Variants in TMEM131L observed in about 807,000 individuals in gnomAD.
The protein encoded by TMEM131L is transmembrane protein 131-like.
Under a neutral mutation model 192.2 loss-of-function variants are expected in TMEM131L, and 54 were observed. That is an observed-to-expected ratio of 0.28 (90% CI 0.23 to 0.35). The LOEUF is 0.35. TMEM131L is among the 10% of genes least tolerant of loss of function. The probability of loss-of-function intolerance (pLI) is 1.00; values close to 1 mark genes in which losing one functional copy is unlikely to be tolerated. For missense variants in TMEM131L, 1,888 were observed against 1,972.9 expected, an observed-to-expected ratio of 0.96 and a Z score of 0.82; for synonymous variants, 701 against 704.9, an observed-to-expected ratio of 0.99 and a Z score of 0.09.
chr4:153,502,821 A>G (rs1053230872), intron 3 of TMEM131L, among the ~76,000 whole-genome samples: 4 of 152,192 alleles, frequency 2.6e-5, no homozygotes, highest in Admixed American at 1.3e-4. Flanking sequence ...GAAGTGCTAT[A>G]ACTCTTGATT....
intron 32 of TMEM131L, among the ~76,000 whole-genome samples, chr4:153,633,514 C>T (rs570841794): frequency 2.0e-5 from 3 of 151,874 alleles, no homozygotes; most frequent in African/African-American, 7.2e-5. Context: ...TAGGCATGAG[C>T]CAATACACCT....
intron 25 of TMEM131L, among the ~76,000 whole-genome samples, chr4:153,608,339 T>TA (rs1245670983): frequency 1.3e-5 from 2 of 152,336 alleles, no homozygotes; most frequent in African/African-American, 4.8e-5. Flanking sequence ...AAACATTCGT[T>TA]ATACGTTCCA....
Position 153,603,899 on chromosome 4 carries a change from A to G in TMEM131L, c.2887A>G (p.Asn963Asp). The G allele has an allele frequency of 6.2e-7, 1 of 1,614,156 alleles. No homozygotes were observed. The highest frequency in any genetic ancestry group is 8.5e-7 in the Non-Finnish European group (1 of 1,180,014). The change falls in exon 25 of 35, where the codon AAT becomes GAT. Residue 963 changes from asparagine (N) to aspartate (D), a missense_variant. By Grantham distance (23) the Asn-to-Asp change is conservative. Coordinates refer to ENST00000409959, the MANE Select transcript of TMEM131L (RefSeq NM_001131007.2). ...PVNTPQSRIQ[N>D]AAKRSPATYG... ...GAACACTCCCCAAAGCAGGATCCAG[A>G]ATGCTGCAAAGAGGAGCCCAGCCAC...
intron 3 of TMEM131L, among the ~76,000 whole-genome samples, chr4:153,530,958 A>G (rs1735856211): frequency 6.6e-6 from 1 of 152,128 alleles, no homozygotes; most frequent in Admixed American, 6.5e-5. Context: ...CTAATTCTCT[A>G]TATTAAATCC....
chr4:153,564,234 A>G (rs1729039845), intron 7 of TMEM131L, among the ~76,000 whole-genome samples: 1 of 145,702 alleles, frequency 6.9e-6, no homozygotes, highest in Non-Finnish European at 1.5e-5. Context: ...GGTTGCAGTC[A>G]GCTGAGATCA....
intron 7 of TMEM131L, among the ~76,000 whole-genome samples, chr4:153,561,186 T>A (rs1283579122): frequency 6.6e-6 from 1 of 152,240 alleles, no homozygotes; most frequent in African/African-American, 2.4e-5. Flanking sequence ...ATATCGTCTT[T>A]GGGGAAGTGG....
chr4:153,483,102 G>T (rs746595255), intron 3 of TMEM131L, among the ~76,000 whole-genome samples: 1 of 152,150 alleles, frequency 6.6e-6, no homozygotes, highest in Non-Finnish European at 1.5e-5. Context: ...CTTCGTTAAT[G>T]TCAACTTTCC....
At chr4:153,607,603 A>T (rs1278049922) in intron 25 of TMEM131L, among the ~76,000 whole-genome samples, 1 of 152,190 alleles carries the variant, frequency 6.6e-6, no homozygotes, top group Non-Finnish European at 1.5e-5. Context: ...TTGCCTTTAA[A>T]GGGAAAAAGG....
chr4:153,527,727 C>A (rs988389115), intron 3 of TMEM131L, among the ~76,000 whole-genome samples: 1 of 152,098 alleles, frequency 6.6e-6, no homozygotes, highest in Admixed American at 6.5e-5. Flanking sequence ...GGGGGTCTTT[C>A]GTGTTTGAGG....
At chr4:153,485,469 G>C (rs1041809794) in intron 3 of TMEM131L, among the ~76,000 whole-genome samples, 1 of 152,198 alleles carries the variant, frequency 6.6e-6, no homozygotes, top group South Asian at 2.1e-4. Flanking sequence ...ATTTGAAGGT[G>C]GATCCCAGAG....
At position 153,627,659 on chromosome 4, in the gene TMEM131L, C is replaced by T. The variant is rs749482705; in HGVS notation, c.4179C>T (p.Ala1393=). The stretch of plus-strand genomic sequence containing the variant: ...AGCCTTCCTGTCCCAGCCTTCCTGC[C>T]GGGCCCACAGGTGTTGAAGAAGATA... ...YAEPSCPSLP[A]GPTGVEEDKG... is the part of the protein sequence containing the mutation. Residue 1393 remains alanine (A), a synonymous_variant, in exon 31 of 35, where the codon GCC becomes GCT. Coordinates refer to ENST00000409959, the MANE Select transcript of TMEM131L (RefSeq NM_001131007.2). The T allele has an allele frequency of 3.3e-5, 53 of 1,613,900 alleles. No homozygotes were observed. The highest frequency in any genetic ancestry group is 1.6e-4 in the Middle Eastern group (1 of 6,082).
At chr4:153,531,653 G>A (rs1427022109) in intron 3 of TMEM131L, among the ~76,000 whole-genome samples, 1 of 152,124 alleles carries the variant, frequency 6.6e-6, no homozygotes, top group Non-Finnish European at 1.5e-5. Context: ...CTATTTTATT[G>A]TATAAAGTGC....
chr4:153,521,895 T>C (rs1735146065), intron 3 of TMEM131L, among the ~76,000 whole-genome samples: 1 of 152,024 alleles, frequency 6.6e-6, no homozygotes, highest in South Asian at 2.1e-4. Context: ...ATCATGTTGT[T>C]ATTACACAAG....
rs568898061 is a variant in TMEM131L, at chr4:153,527,925, T to G, written c.240-22148T>G. Among the ~76,000 whole-genome samples, 7 of 152,314 alleles carry G rather than the reference T, an allele frequency of 4.6e-5. No individual in the cohort carries two copies. The East Asian group carries it at 1.4e-3, about 29-fold the overall frequency. The stretch of plus-strand genomic sequence containing the variant: ...TTGTCTCTCTTCAGTTTCCTCTTTT[T>G]TGGTACTATATGCGTACAACTTCGA... On this transcript the variant is annotated intron_variant, in intron 3 of 34. Coordinates refer to ENST00000409959, the MANE Select transcript of TMEM131L (RefSeq NM_001131007.2).
At chr4:153,626,846 G>C (rs1309490639) in intron 30 of TMEM131L, among the ~76,000 whole-genome samples, 1 of 152,180 alleles carries the variant, frequency 6.6e-6, no homozygotes, top group African/African-American at 2.4e-5. Flanking sequence ...CCTTTGCTAG[G>C]CCTTGAAATA....
intron 3 of TMEM131L, among the ~76,000 whole-genome samples, chr4:153,505,325 C>G (rs1733916776): frequency 6.6e-6 from 1 of 151,998 alleles, no homozygotes; most frequent in South Asian, 2.1e-4. Flanking sequence ...CCAGGCTGGT[C>G]TCAAACTCCT....
chr4:153,500,884 TCTC>T (rs1359669612), intron 3 of TMEM131L, among the ~76,000 whole-genome samples: 19 of 152,142 alleles, frequency 1.2e-4, no homozygotes, highest in African/African-American at 3.4e-4. Flanking sequence ...CATGGCTTAG[TCTC>T]CTCTTTCTCC....
intron 17 of TMEM131L, 68 bp downstream of exon 17, chr4:153,591,262 G>C (rs1409008119): frequency 3.5e-6 from 5 of 1,422,736 alleles, no homozygotes; most frequent in Non-Finnish European, 4.7e-6. Context: ...CAAAGTACCA[G>C]ATTGTGTCCA....
intron 29 of TMEM131L, among the ~76,000 whole-genome samples, chr4:153,624,376 C>A (rs1733681704): frequency 1.3e-5 from 2 of 152,354 alleles, no homozygotes; most frequent in Non-Finnish European, 2.9e-5. Flanking sequence ...GCCTTGGCCT[C>A]CCAAAGTGCC....
Sources: gnomAD v4.1 joint callset for allele counts (sites outside exome capture counted in the v4.1 genomes callset) on GRCh38, gnomAD v4.1.1 for gene constraint, MANE v1.5 for transcripts, NCBI Gene and HGNC (gene_info 2026-07-23, HGNC 2026-07-21) for gene names.